The following GRM8 variants were observed in gnomAD, a reference collection of about 807,000 sequenced individuals.
The protein encoded by GRM8 is metabotropic glutamate receptor 8.
In GRM8, 47 loss-of-function variants were observed where a neutral mutation model predicts 87.2. The ratio of observed to expected loss-of-function variants is 0.54; its 90% CI spans 0.43 to 0.69. The LOEUF (loss-of-function observed/expected upper bound fraction) is 0.69, where lower values mean the gene tolerates loss of function less well. Among genes scored for constraint, GRM8 ranks in the 30% least tolerant of loss-of-function variants. GRM8 has a pLI of 0.00. For synonymous variants in GRM8, 396 were observed against 404.5 expected (o/e 0.98, Z 0.25); for missense variants, 1,019 against 1,139.2 (o/e 0.89, Z 1.52).
chr7:127,245,579 G>A (rs571804283), intron 1 of GRM8, among the ~76,000 whole-genome samples: 13 of 152,266 alleles, frequency 8.5e-5, no homozygotes, highest in African/African-American at 2.9e-4. Flanking sequence ...AAATTGAGTC[G>A]CTTTTAAAAT....
At chr7:126,752,412 T>C (rs536939471) in intron 7 of GRM8, among the ~76,000 whole-genome samples, 45 of 152,274 alleles carry the variant, frequency 3.0e-4, no homozygotes, top group African/African-American at 9.1e-4. Flanking sequence ...TAGGAGGTAT[T>C]TGCAAGACAA....
chr7:127,109,617 T>A (rs1826161392), intron 2 of GRM8, among the ~76,000 whole-genome samples: 1 of 152,294 alleles, frequency 6.6e-6, no homozygotes, highest in South Asian at 2.1e-4. Context: ...AGCTGTCTTT[T>A]GCTATTCCTG....
intron 7 of GRM8, among the ~76,000 whole-genome samples, chr7:126,616,564 T>G (rs1321062480): frequency 1.3e-5 from 2 of 152,134 alleles, no homozygotes; most frequent in African/African-American, 4.8e-5. Flanking sequence ...AAAAAAACTC[T>G]TCAAAAAATC....
Position 126,985,576 on chromosome 7 carries a change from C to T in GRM8, c.728-80893G>A, listed in dbSNP as rs559532536. 1.2e-3 allele frequency among the ~76,000 whole-genome samples: 180 copies of T among 152,054 alleles called. 1 individual carries two copies. The highest frequency in any genetic ancestry group is 3.8e-3 in the African/African-American group (158 of 41,468). On this transcript the variant is annotated intron_variant, in intron 3 of 10. Transcript: ENST00000339582. ...ATTTATTTCTTACAGTTATGGAGGC[C>T]GAGAAGTCTCCAAAGTCAAGGGACC...
At chr7:126,525,299 T>G (rs1813665972) in intron 9 of GRM8, among the ~76,000 whole-genome samples, 1 of 152,236 alleles carries the variant, frequency 6.6e-6, no homozygotes, top group African/African-American at 2.4e-5. Flanking sequence ...GGTAGAGCTG[T>G]ATTTCCTATT....
intron 3 of GRM8, among the ~76,000 whole-genome samples, chr7:127,009,529 C>G (rs1814663586): frequency 6.6e-6 from 1 of 152,086 alleles, no homozygotes; most frequent in Non-Finnish European, 1.5e-5. Flanking sequence ...CAACATTGCT[C>G]ATGTAACCCA....
chr7:127,200,901 C>T (rs1490750623), intron 2 of GRM8, among the ~76,000 whole-genome samples: 1 of 152,192 alleles, frequency 6.6e-6, no homozygotes, highest in African/African-American at 2.4e-5. Context: ...TAACCCTGTA[C>T]ATATGGAGTG....
intron 2 of GRM8, among the ~76,000 whole-genome samples, chr7:127,166,590 G>A (rs17863229): frequency 0.077 from 11,699 of 152,162 alleles, 638 homozygotes; most frequent in Middle Eastern, 0.12. Flanking sequence ...AGGCGGCGAT[G>A]GGACTGAACA....
In GRM8 at chr7:126,636,596, G is replaced by A. The variant is rs1432789817; in HGVS notation, c.1358-27098C>T. On this transcript the variant is annotated intron_variant, in intron 7 of 10. Coordinates refer to ENST00000339582, the MANE Select transcript of GRM8 (RefSeq NM_000845.3). ...AGATGCAGAATCCATGGATACCAAC[G>A]ATACAAAAGAAGATTCTGCAACCCC... Among the ~76,000 whole-genome samples, 10 of 151,936 alleles carry A rather than the reference G, an allele frequency of 6.6e-5. No homozygotes were observed. The East Asian group carries it at 7.7e-4, about 12-fold the overall frequency.
chr7:126,892,307 C>G (rs1801119074), intron 6 of GRM8, among the ~76,000 whole-genome samples: 1 of 152,014 alleles, frequency 6.6e-6, no homozygotes, highest in South Asian at 2.1e-4. Context: ...CCACAACGGT[C>G]CCCAGAGTGT....
intron 3 of GRM8, among the ~76,000 whole-genome samples, chr7:127,040,723 A>G (rs1818355129): frequency 6.6e-6 from 1 of 152,218 alleles, no homozygotes; most frequent in Non-Finnish European, 1.5e-5. Context: ...GGGAAGATCA[A>G]ACCTGGTGTT....
intron 1 of GRM8, among the ~76,000 whole-genome samples, chr7:127,249,015 A>G (rs986228264): frequency 1.3e-5 from 2 of 152,232 alleles, no homozygotes; most frequent in African/African-American, 4.8e-5. Flanking sequence ...AAACAAGACA[A>G]CCGGAAACCT....
At chr7:126,450,283 C>T (rs574535658) in intron 9 of GRM8, among the ~76,000 whole-genome samples, 2 of 151,808 alleles carry the variant, frequency 1.3e-5, no homozygotes, top group Non-Finnish European at 2.9e-5. Flanking sequence ...ATTTTTGCAA[C>T]CCCTTAGTAA....
At chr7:126,654,156 T>A (rs1365460778) in intron 7 of GRM8, among the ~76,000 whole-genome samples, 1 of 152,200 alleles carries the variant, frequency 6.6e-6, no homozygotes, top group Non-Finnish European at 1.5e-5. Flanking sequence ...CTTCTACATC[T>A]GGCCCTGAAT....
At chr7:126,549,448 C>G (rs1792329502) in intron 8 of GRM8, among the ~76,000 whole-genome samples, 1 of 152,048 alleles carries the variant, frequency 6.6e-6, no homozygotes, top group South Asian at 2.1e-4. Context: ...AAGATAGTCT[C>G]AAGTTTTGAT....
rs1424278986 is a variant in GRM8 at position 127,243,337 on chromosome 7, C to T, written c.-133G>A. Reference sequence around the variant, plus strand: ...GGGGAAAAGGCTCTGTGGGCATTAGCAAGTTTTCTTGATTTGAATGTCACA... The same window carrying T: ...GGGGAAAAGGCTCTGTGGGCATTAGTAAGTTTTCTTGATTTGAATGTCACA... On this transcript the variant is annotated 5_prime_UTR_variant, in exon 2 of 11. Transcript: ENST00000339582. 1 of 730,506 alleles carries T rather than the reference C, an allele frequency of 1.4e-6. No individual in the cohort carries two copies. Among genetic ancestry groups the T allele is most frequent in the Non-Finnish European group, 2.2e-6 (1 of 450,030 alleles). 45.3% of individuals were successfully genotyped at this position (730,506 alleles called of 1,614,324 possible). A position where few individuals can be genotyped will look rare whatever the true frequency, so the allele number is the denominator to read the frequency against.
chr7:126,763,113 C>T (rs1210698853), intron 7 of GRM8, among the ~76,000 whole-genome samples: 4 of 150,244 alleles, frequency 2.7e-5, no homozygotes, highest in South Asian at 2.1e-4. Context: ...CAACACCCCC[C>T]CAATGAATCC....
intron 3 of GRM8, among the ~76,000 whole-genome samples, chr7:127,098,724 T>C (rs1824919883): frequency 6.6e-6 from 1 of 152,226 alleles, no homozygotes. Flanking sequence ...AAGATGTTAA[T>C]ATTCGGAACA....
At chr7:127,120,864 A>C (rs951893760) in intron 2 of GRM8, among the ~76,000 whole-genome samples, 2 of 152,182 alleles carry the variant, frequency 1.3e-5, no homozygotes, top group African/African-American at 4.8e-5. Flanking sequence ...TAAGAGTATT[A>C]TGTTTCAGTT....
Sources: allele counts gnomAD v4.1 joint callset (sites outside exome capture counted in the v4.1 genomes callset), GRCh38; gene constraint gnomAD v4.1.1; transcripts MANE v1.5; gene names NCBI Gene and HGNC (gene_info 2026-07-23, HGNC 2026-07-21).